Variants in GOLM2 observed in about 807,000 individuals in gnomAD.
GOLM2 encodes protein GOLM2.
Under a neutral mutation model 55.9 loss-of-function variants are expected in GOLM2, and 26 were observed. The ratio of observed to expected loss-of-function variants is 0.47; its 90% CI spans 0.34 to 0.65. GOLM2 has a LOEUF of 0.65. Among genes scored for constraint, GOLM2 ranks in the 30% least tolerant of loss-of-function variants. The probability of loss-of-function intolerance (pLI) is 0.01; values close to 1 mark genes in which losing one functional copy is unlikely to be tolerated. For missense variants in GOLM2, 486 were observed against 531.8 expected (o/e 0.91, Z 0.85); for synonymous variants, 165 against 194.6 (o/e 0.85, Z 1.27).
intron 8 of GOLM2, among the ~76,000 whole-genome samples, chr15:44,400,220 C>T (rs1024800777): frequency 6.6e-6 from 1 of 151,976 alleles, no homozygotes; most frequent in Non-Finnish European, 1.5e-5. Flanking sequence ...TGTACATATC[C>T]AAGCTTATAC....
chr15:44,380,393 T>G lies in GOLM2; in HGVS notation c.902-413T>G, dbSNP rs148686560. ...AGAAAGAATCAAGAGTCAACACTTG[T>G]GAGTCACTGTATAGTGAAGATGACT... On this transcript the variant is annotated intron_variant, in intron 7 of 9. Coordinates refer to ENST00000299957, the MANE Select transcript of GOLM2 (RefSeq NM_138423.4). Among the ~76,000 whole-genome samples, 6 of 152,252 alleles carry G rather than the reference T, an allele frequency of 3.9e-5. No homozygotes were observed. In the East Asian group the frequency reaches 1.2e-3, roughly 29 times the overall value.
At chr15:44,411,347 G>A (rs1012629730) in intron 9 of GOLM2, among the ~76,000 whole-genome samples, 3 of 152,002 alleles carry the variant, frequency 2.0e-5, no homozygotes, top group South Asian at 2.1e-4. Context: ...AAAGAAGAAA[G>A]TTTTAGAGTG....
At chr15:44,342,919 A>C (rs78619292) in intron 6 of GOLM2, among the ~76,000 whole-genome samples, 7,913 of 152,266 alleles carry the variant, frequency 0.052, 328 homozygotes, top group East Asian at 0.19. Flanking sequence ...ATTATGTGAC[A>C]ATTTTTTGCC....
intron 1 of GOLM2, among the ~76,000 whole-genome samples, chr15:44,296,082 C>T (rs376628706): frequency 6.6e-6 from 1 of 152,300 alleles, no homozygotes. Flanking sequence ...CTACATTGCC[C>T]AGGCTAGAAT....
intron 6 of GOLM2, among the ~76,000 whole-genome samples, chr15:44,372,891 CTTTG>C (rs1159068403): frequency 6.6e-6 from 1 of 152,138 alleles, no homozygotes; most frequent in African/African-American, 2.4e-5. Context: ...ACTTGCTCGT[CTTTG>C]TTTGAATGTT....
intron 6 of GOLM2, among the ~76,000 whole-genome samples, chr15:44,349,108 A>C (rs953365449): frequency 2.0e-5 from 3 of 151,720 alleles, no homozygotes; most frequent in Non-Finnish European, 4.4e-5. Context: ...AAAAATACAA[A>C]ATTAGTGGGA....
intron 6 of GOLM2, among the ~76,000 whole-genome samples, chr15:44,373,875 C>G (rs527643346): frequency 1.3e-5 from 2 of 151,576 alleles, no homozygotes; most frequent in Non-Finnish European, 2.9e-5. Context: ...CTAAGATGGG[C>G]GAATCACTTG....
Position 44,311,170 on chromosome 15 carries a change from T to C in GOLM2, c.328-11795T>C, listed in dbSNP as rs906613690. The stretch of plus-strand genomic sequence containing the variant: ...TTTATACTTATACATGTTCTACTTA[T>C]AAATGACCCATTCTTATAGATTATG... On this transcript the variant is annotated intron_variant, in intron 1 of 9. Transcript: ENST00000299957. Among the ~76,000 whole-genome samples, 50 of 152,346 alleles carry C rather than the reference T, an allele frequency of 3.3e-4. 1 individual carries two copies. The highest frequency in any genetic ancestry group is 1.1e-3 in the African/African-American group (46 of 41,580).
intron 2 of GOLM2, 145 bp from the exon 3 acceptor site, chr15:44,328,540 T>C (rs1247736268): frequency 7.2e-6 from 4 of 553,778 alleles, no homozygotes; most frequent in Non-Finnish European, 1.3e-5. Context: ...TTAAATGTGG[T>C]GTTTGTTATA....
chr15:44,366,896 CATTGTGGTTAATAATTT>C (rs1759626682), intron 6 of GOLM2, among the ~76,000 whole-genome samples: 1 of 152,066 alleles, frequency 6.6e-6, no homozygotes, highest in South Asian at 2.1e-4. Context: ...TTTAAGGAAG[CATTGTGGTTAATAATTT>C]ATATTTTTGG....
chr15:44,289,466 C>T lies in GOLM2; in HGVS notation c.327+110C>T. The T allele has an allele frequency of 1.0e-6, 1 of 994,146 alleles. No individual in the cohort carries two copies. Among genetic ancestry groups the T allele is most frequent in the Non-Finnish European group, 1.5e-6 (1 of 687,918 alleles). The allele number at this position is 994,146 out of a possible 1,614,324, so 61.6% of individuals were successfully genotyped here. ...TCTTATGCCTTCCAGTATTTCAGTCCTGAAGGCTCCTTTCACCCCCAACAA... is the reference window on the plus strand; with the variant it reads ...TCTTATGCCTTCCAGTATTTCAGTCTTGAAGGCTCCTTTCACCCCCAACAA... On this transcript the variant is annotated intron_variant, in intron 1 of 9. Transcript: ENST00000299957. The surrounding 1 kb of genome is among the most constrained non-coding windows in gnomAD (Gnocchi z 4.8).
chr15:44,332,439 C>T (rs2079028606), intron 4 of GOLM2, among the ~76,000 whole-genome samples: 2 of 151,952 alleles, frequency 1.3e-5, no homozygotes, highest in South Asian at 4.2e-4. Context: ...TGCCTGTAAT[C>T]TCAGCTACTC....
At chr15:44,352,609 A>G (rs1321823609) in intron 6 of GOLM2, among the ~76,000 whole-genome samples, 2 of 152,156 alleles carry the variant, frequency 1.3e-5, no homozygotes, top group African/African-American at 2.4e-5. Context: ...AACAGAGGAA[A>G]CAATCAGAAA....
chr15:44,382,546 C>T (rs891555108), intron 8 of GOLM2, among the ~76,000 whole-genome samples: 2 of 151,836 alleles, frequency 1.3e-5, no homozygotes. Flanking sequence ...AGGCTAGTCT[C>T]GATCTTCTGA....
In GOLM2 at chr15:44,309,486, G is replaced by A. The variant is rs896942725; in HGVS notation, c.328-13479G>A. On this transcript the variant is annotated intron_variant, in intron 1 of 9. Coordinates refer to ENST00000299957, the MANE Select transcript of GOLM2 (RefSeq NM_138423.4). ...TAATAAAAAAGTAATTGAGAAAAAA[G>A]TAAATAAAATAAAAAAATTCTATGA... Among the ~76,000 whole-genome samples the A allele has an allele frequency of 2.7e-4, 41 of 151,980 alleles. 2 individuals carry two copies. The highest frequency in any genetic ancestry group is 9.7e-4 in the African/African-American group (40 of 41,370).
chr15:44,337,593 G>A (rs551030837), intron 4 of GOLM2, among the ~76,000 whole-genome samples, 170 bp from the exon 5 acceptor site: 2 of 151,918 alleles, frequency 1.3e-5, no homozygotes, highest in East Asian at 1.9e-4. Context: ...TTTTTATCAG[G>A]TATAAAAATC....
At chr15:44,296,238 A>C (rs116871736) in intron 1 of GOLM2, among the ~76,000 whole-genome samples, 3,574 of 152,288 alleles carry the variant, frequency 0.023, 84 homozygotes, top group East Asian at 0.1. Context: ...GGATTCTTGC[A>C]AACTGTAGCT....
Position 44,304,013 on chromosome 15 carries a change from A to T in GOLM2, c.327+14657A>T, listed in dbSNP as rs183819119. The stretch of plus-strand genomic sequence containing the variant: ...CCAAAGTGCTAGGATTACAGGTGTG[A>T]ACCACGGTGCCTGGCCACACCTGGC... On this transcript the variant is annotated intron_variant, in intron 1 of 9. Transcript: ENST00000299957. 3.0e-3 allele frequency among the ~76,000 whole-genome samples: 453 copies of T among 151,172 alleles called. 1 individual carries two copies. The highest frequency in any genetic ancestry group is 4.9e-3 in the Non-Finnish European group (331 of 67,796).
intron 1 of GOLM2, among the ~76,000 whole-genome samples, chr15:44,303,732 ATT>A (rs541563417): frequency 2.4e-4 from 32 of 130,774 alleles, no homozygotes; most frequent in African/African-American, 2.6e-4. Flanking sequence ...CACCTGGCTA[ATT>A]TTTTTTTTTT....
Sources: allele counts gnomAD v4.1 joint callset (sites outside exome capture counted in the v4.1 genomes callset), GRCh38; gene constraint gnomAD v4.1.1; non-coding constraint Gnocchi (gnomAD v3.1); transcripts MANE v1.5; gene names NCBI Gene and HGNC (gene_info 2026-07-23, HGNC 2026-07-21).